Variants in RIMS2 observed in about 807,000 individuals in gnomAD.
The protein encoded by RIMS2 is regulating synaptic membrane exocytosis protein 2.
RIMS2 carries 59 observed loss-of-function variants against 174.4 expected under a neutral mutation model. That is an observed-to-expected ratio of 0.34 (90% confidence interval 0.27 to 0.42). The LOEUF (loss-of-function observed/expected upper bound fraction) is 0.42, where lower values mean the gene tolerates loss of function less well. Among genes scored for constraint, RIMS2 ranks in the 10% least tolerant of loss-of-function variants. The probability of loss-of-function intolerance (pLI) is 1.00; values close to 1 mark genes in which losing one functional copy is unlikely to be tolerated. For synonymous variants in RIMS2, 606 were observed against 572.5 expected, an observed-to-expected ratio of 1.06 and a Z score of -0.84; for missense variants, 1,620 against 1,666.3, an observed-to-expected ratio of 0.97 and a Z score of 0.48.
At chr8:103,923,488 G>T (rs2078127771) in intron 10 of RIMS2, among the ~76,000 whole-genome samples, 1 of 151,796 alleles carries the variant, frequency 6.6e-6, no homozygotes, top group Non-Finnish European at 1.5e-5. Flanking sequence ...TTTCTTCATG[G>T]TTCAAAATTA....
Position 103,568,919 on chromosome 8 carries a change from G to C in RIMS2, c.176+67857G>C, listed in dbSNP as rs1038730669. 14 of 957,050 alleles carry C rather than the reference G, an allele frequency of 1.5e-5. No homozygotes were observed. The South Asian group carries it at 1.8e-4, about 12-fold the overall frequency. The allele number at this position is 957,050 out of a possible 1,614,324, so 59.3% of individuals were successfully genotyped here. Reference sequence around the variant, plus strand: ...GACCACATTGCTGCAACACATCAGTGGCATTGCAAAACTGATCTGAAAGCG... The same window carrying C: ...GACCACATTGCTGCAACACATCAGTCGCATTGCAAAACTGATCTGAAAGCG... On this transcript the variant is annotated intron_variant, in intron 1 of 23. Transcript: ENST00000504942.
rs1414405549 is a variant in RIMS2, at chr8:104,108,044, T to G, written c.3334+93429T>G. Among the ~76,000 whole-genome samples, 4 of 149,474 alleles carry G rather than the reference T, an allele frequency of 2.7e-5. No individual in the cohort carries two copies. In the South Asian group the frequency reaches 6.5e-4, roughly 24 times the overall value. ...ACTTCATAATAATGTATTTCATGGC[T>G]CATATGTATTCCATTTAGGAACAAT... On this transcript the variant is annotated intron_variant, in intron 19 of 23. Coordinates refer to ENST00000504942, the Ensembl canonical transcript of RIMS2.
At chr8:103,752,846 G>A (rs2097912675) in intron 2 of RIMS2, among the ~76,000 whole-genome samples, 1 of 152,044 alleles carries the variant, frequency 6.6e-6, no homozygotes, top group South Asian at 2.1e-4. Context: ...GAGACAATGG[G>A]GGTTTTCTAT....
intron 4 of RIMS2, among the ~76,000 whole-genome samples, chr8:103,897,941 G>A (rs1487623352): frequency 2.6e-5 from 4 of 151,600 alleles, no homozygotes; most frequent in African/African-American, 4.9e-5. Context: ...TGTATTCTTG[G>A]CAATTGAGTC....
intron 1 of RIMS2, among the ~76,000 whole-genome samples, chr8:103,647,281 G>A (rs1179401213): frequency 6.6e-6 from 1 of 152,080 alleles, no homozygotes; most frequent in Non-Finnish European, 1.5e-5. Context: ...TGTTCATCAA[G>A]GACATTGCCT....
intron 1 of RIMS2, among the ~76,000 whole-genome samples, chr8:103,644,889 A>C (rs1261740673): frequency 6.6e-6 from 1 of 151,926 alleles, no homozygotes; most frequent in Non-Finnish European, 1.5e-5. Flanking sequence ...TATGATAAAA[A>C]CTTGTCACTG....
intron 19 of RIMS2, among the ~76,000 whole-genome samples, chr8:104,058,730 T>G (rs1383631582): frequency 6.6e-6 from 1 of 152,244 alleles, no homozygotes; most frequent in Non-Finnish European, 1.5e-5. Context: ...TAATCCATCT[T>G]GAATTAATTT....
At chr8:104,069,439 G>A (rs1169578141) in intron 19 of RIMS2, among the ~76,000 whole-genome samples, 4 of 150,138 alleles carry the variant, frequency 2.7e-5, no homozygotes, top group Non-Finnish European at 5.9e-5. Flanking sequence ...ACCAAGGGAG[G>A]AAATAAAGTA....
At chr8:103,780,008 C>G (rs2098369466) in intron 3 of RIMS2, among the ~76,000 whole-genome samples, 1 of 151,976 alleles carries the variant, frequency 6.6e-6, no homozygotes, top group South Asian at 2.1e-4. Context: ...ATGCCAGTAC[C>G]ATACTGATTT....
intron 15 of RIMS2, among the ~76,000 whole-genome samples, chr8:103,970,950 G>A (rs894493547): frequency 6.6e-6 from 1 of 152,078 alleles, no homozygotes; most frequent in African/African-American, 2.4e-5. Flanking sequence ...CATTGTTAAT[G>A]TTCTTTAAAG....
chr8:104,148,725 G>A, intron 19 of RIMS2: 2 of 1,598,388 alleles, frequency 1.3e-6, no homozygotes, highest in Non-Finnish European at 1.7e-6. Context: ...CAGCCAGTCT[G>A]ACACTGCAGT....
At chr8:103,724,800 T>C (rs1323086593) in intron 2 of RIMS2, among the ~76,000 whole-genome samples, 2 of 152,338 alleles carry the variant, frequency 1.3e-5, no homozygotes, top group East Asian at 3.9e-4. Flanking sequence ...TGCATTCTGG[T>C]ATATTTCTGG....
At chr8:103,684,312 T>C (rs2096913341) in intron 1 of RIMS2, among the ~76,000 whole-genome samples, 1 of 152,204 alleles carries the variant, frequency 6.6e-6, no homozygotes, top group Non-Finnish European at 1.5e-5. Flanking sequence ...CAGTCTATGG[T>C]ACACAAGCCA....
intron 2 of RIMS2, among the ~76,000 whole-genome samples, chr8:103,722,482 T>G (rs999212653): frequency 6.6e-6 from 1 of 152,132 alleles, no homozygotes; most frequent in Admixed American, 6.6e-5. Context: ...TAGATTCTTA[T>G]AAGCAGCACG....
At chr8:104,056,271 G>A in intron 19 of RIMS2, among the ~76,000 whole-genome samples, 1 of 151,880 alleles carries the variant, frequency 6.6e-6, no homozygotes, top group East Asian at 1.9e-4. Flanking sequence ...GGGCATGGTG[G>A]CTCGTGTCTG....
At chr8:103,538,415 C>G (rs1038859443) in intron 1 of RIMS2, among the ~76,000 whole-genome samples, 1 of 152,052 alleles carries the variant, frequency 6.6e-6, no homozygotes, top group African/African-American at 2.4e-5. Flanking sequence ...TTTGTGAGAA[C>G]CTGGTGCACC....
intron 1 of RIMS2, among the ~76,000 whole-genome samples, chr8:103,527,582 T>C (rs766887884): frequency 1.3e-5 from 2 of 151,882 alleles, no homozygotes; most frequent in Non-Finnish European, 2.9e-5. Flanking sequence ...GATGTTCCCC[T>C]TCCTGTGTCC....
At chr8:104,088,410 C>G (rs1184413765) in intron 19 of RIMS2, among the ~76,000 whole-genome samples, 1 of 152,032 alleles carries the variant, frequency 6.6e-6, no homozygotes, top group Non-Finnish European at 1.5e-5. Flanking sequence ...TTCAGCCTAA[C>G]TTGTATCTTC....
intron 14 of RIMS2, among the ~76,000 whole-genome samples, chr8:103,951,232 A>T (rs1260198952): frequency 6.6e-6 from 1 of 152,238 alleles, no homozygotes; most frequent in Non-Finnish European, 1.5e-5. Flanking sequence ...AAATAATGAG[A>T]GCCACCTATG....
Sources: allele counts gnomAD v4.1 joint callset (sites outside exome capture counted in the v4.1 genomes callset), GRCh38; gene constraint gnomAD v4.1.1; transcripts MANE v1.5; gene names NCBI Gene and HGNC (gene_info 2026-07-23, HGNC 2026-07-21).